The following RBFOX1 variants were observed in gnomAD, a reference collection of about 807,000 sequenced individuals.
The protein encoded by RBFOX1 is RNA binding protein fox-1 homolog 1.
RBFOX1 carries 8 observed loss-of-function variants against 57.7 expected under a neutral mutation model. That is an observed-to-expected ratio of 0.14 (90% CI 0.08 to 0.25). The LOEUF is 0.25. RBFOX1 is among the 10% of genes least tolerant of loss of function. The pLI, the probability that RBFOX1 is intolerant of heterozygous loss-of-function variation, is 1.00. For synonymous variants in RBFOX1, 326 were observed against 222.4 expected (o/e 1.47, Z -4.15); for missense variants, 611 against 548.5 (o/e 1.11, Z -1.14).
intron 2 of RBFOX1, among the ~76,000 whole-genome samples, chr16:6,611,513 C>T (rs1175947007): frequency 1.3e-5 from 2 of 152,134 alleles, no homozygotes; most frequent in East Asian, 1.9e-4. Flanking sequence ...TGCTCTTTGC[C>T]CCCGTGTGAT....
intron 2 of RBFOX1, among the ~76,000 whole-genome samples, chr16:6,446,348 A>G (rs956443644): frequency 6.6e-6 from 1 of 152,152 alleles, no homozygotes; most frequent in African/African-American, 2.4e-5. Flanking sequence ...GTATTGGTCA[A>G]AAGTTTTAAG....
chr16:6,015,869 C>G (rs1227286802), upstream of RBFOX1, among the ~76,000 whole-genome samples: 1 of 152,166 alleles, frequency 6.6e-6, no homozygotes, highest in Admixed American at 6.5e-5. Flanking sequence ...TCTGCATATG[C>G]TATTGGACTG....
chr16:7,691,241 G>C (rs1438371920), intron 14 of RBFOX1, among the ~76,000 whole-genome samples: 2 of 152,082 alleles, frequency 1.3e-5, no homozygotes, highest in East Asian at 3.9e-4. Context: ...GTAGTCAGAA[G>C]TAATCTAAGC....
At chr16:5,676,703 A>T (rs1055367513) in intron 3 of RBFOX1, among the ~76,000 whole-genome samples, 1 of 152,200 alleles carries the variant, frequency 6.6e-6, no homozygotes, top group Non-Finnish European at 1.5e-5. Flanking sequence ...TCTACTAAAA[A>T]TACAAAAAAC....
intron 2 of RBFOX1, among the ~76,000 whole-genome samples, chr16:6,431,887 T>C (rs1259415138): frequency 9.3e-6 from 1 of 107,142 alleles, no homozygotes; most frequent in Non-Finnish European, 1.9e-5. Context: ...GAAATATGCT[T>C]GCTTGCTTGC....
intron 4 of RBFOX1, among the ~76,000 whole-genome samples, chr16:7,067,865 T>A (rs1392124328): frequency 6.6e-6 from 1 of 151,930 alleles, no homozygotes; most frequent in Non-Finnish European, 1.5e-5. Context: ...GGACATGAAC[T>A]CATCATTTTT....
intron 2 of RBFOX1, among the ~76,000 whole-genome samples, chr16:6,639,150 A>AT (rs1209407629): frequency 6.6e-6 from 1 of 152,118 alleles, no homozygotes; most frequent in Non-Finnish European, 1.5e-5. Flanking sequence ...AGAATGATAA[A>AT]TTTTTTTCAA....
chr16:5,558,900 G>T (rs1331976830), intron 2 of RBFOX1, among the ~76,000 whole-genome samples: 1 of 152,148 alleles, frequency 6.6e-6, no homozygotes, highest in African/African-American at 2.4e-5. Context: ...AAAATGTGCA[G>T]TGTCTGGGAC....
chr16:6,567,696 A>T lies in RBFOX1; in HGVS notation c.-63-86907A>T, dbSNP rs142641311. ...AGTAGATATTCTGAAATGTCAGTGG[A>T]TGGATGCCTATTTACATACTGTGCT... On this transcript the variant is annotated intron_variant, in intron 2 of 15. Transcript: ENST00000550418. 4.2e-3 allele frequency among the ~76,000 whole-genome samples: 635 copies of T among 152,222 alleles called. 7 individuals are homozygous for T. The highest frequency in any genetic ancestry group is 0.014 in the African/African-American group (596 of 41,472).
intron 4 of RBFOX1, among the ~76,000 whole-genome samples, chr16:7,139,243 T>C (rs1032315339): frequency 6.6e-6 from 1 of 151,854 alleles, no homozygotes; most frequent in Non-Finnish European, 1.5e-5. Context: ...TCCTCTCTTC[T>C]CTTTCTTTTT....
At chr16:5,573,299 A>G (rs1347844788) in intron 2 of RBFOX1, among the ~76,000 whole-genome samples, 1 of 152,112 alleles carries the variant, frequency 6.6e-6, no homozygotes, top group African/African-American at 2.4e-5. Context: ...CTCGGGTGGG[A>G]GGTGAAGGCC....
In RBFOX1 at chr16:7,059,928, C is replaced by T. The variant is rs536526378; in HGVS notation, c.27+7830C>T. Among the ~76,000 whole-genome samples the T allele has an allele frequency of 7.1e-4, 108 of 152,204 alleles. 2 individuals carry two copies. Among genetic ancestry groups the T allele is most frequent in the African/African-American group, 1.9e-3 (80 of 41,528 alleles). ...CTATGAAAACTAAATGCTTTGGAAACATTGTATGAAAACACGATTCAAAAA... is the reference window on the plus strand; with the variant it reads ...CTATGAAAACTAAATGCTTTGGAAATATTGTATGAAAACACGATTCAAAAA... On this transcript the variant is annotated intron_variant, in intron 4 of 15. Transcript: ENST00000550418.
chr16:6,435,816 T>C (rs1217158807), intron 2 of RBFOX1, among the ~76,000 whole-genome samples: 1 of 152,156 alleles, frequency 6.6e-6, no homozygotes, highest in Admixed American at 6.6e-5. Flanking sequence ...GGTGCCTATG[T>C]GGTAGTCAAA....
intron 2 of RBFOX1, among the ~76,000 whole-genome samples, chr16:6,649,209 C>G (rs1209602844): frequency 3.3e-5 from 5 of 152,178 alleles, no homozygotes; most frequent in East Asian, 1.9e-4. Context: ...CTTTCTGTAA[C>G]TAGCTCATTC....
chr16:6,985,044 A>C (rs1351561014), intron 3 of RBFOX1, among the ~76,000 whole-genome samples: 1 of 142,380 alleles, frequency 7.0e-6, no homozygotes, highest in African/African-American at 2.6e-5. Context: ...GCCAGATCCC[A>C]ATGAGTTAGT....
intron 1 of RBFOX1, among the ~76,000 whole-genome samples, chr16:6,304,451 C>T (rs1307957933): frequency 1.1e-4 from 16 of 152,086 alleles, no homozygotes; most frequent in Admixed American, 2.0e-4. Context: ...GATTTAGCTC[C>T]AAAGCTACCT....
intron 4 of RBFOX1, among the ~76,000 whole-genome samples, chr16:7,166,160 C>A (rs1014457570): frequency 6.6e-6 from 1 of 152,022 alleles, no homozygotes; most frequent in Non-Finnish European, 1.5e-5. Context: ...ATTACAGGTG[C>A]ATGCCAGCAC....
chr16:7,473,546 T>C (rs1207251703), intron 4 of RBFOX1, among the ~76,000 whole-genome samples: 2 of 150,252 alleles, frequency 1.3e-5, no homozygotes, highest in African/African-American at 2.4e-5. Flanking sequence ...ACCTTGACTA[T>C]AGTAGTATTT....
intron 3 of RBFOX1, among the ~76,000 whole-genome samples, chr16:6,774,864 G>C (rs1409463860): frequency 1.3e-5 from 2 of 152,054 alleles, no homozygotes; most frequent in African/African-American, 2.4e-5. Flanking sequence ...TAGTGCAACT[G>C]AGGGGCTTTT....
Sources: gnomAD v4.1 joint callset for allele counts (sites outside exome capture counted in the v4.1 genomes callset) on GRCh38, gnomAD v4.1.1 for gene constraint, MANE v1.5 for transcripts, NCBI Gene and HGNC (gene_info 2026-07-23, HGNC 2026-07-21) for gene names.